Variants in CFAP69 observed in about 807,000 individuals in gnomAD.
The protein encoded by CFAP69 is cilia- and flagella-associated protein 69.
A neutral mutation model predicts 123.0 loss-of-function variants in CFAP69; 92 were observed. The observed-to-expected ratio is 0.75, with a 90% CI of 0.63 to 0.89. The LOEUF (loss-of-function observed/expected upper bound fraction) is 0.89, where lower values mean the gene tolerates loss of function less well. Among genes scored for constraint, CFAP69 ranks in the 40% least tolerant of loss-of-function variants. The pLI, the probability that CFAP69 is intolerant of heterozygous loss-of-function variation, is 0.00. For missense variants in CFAP69, 1,067 were observed against 1,096.9 expected (o/e 0.97, Z 0.39); for synonymous variants, 380 against 364.3 (o/e 1.04, Z -0.49).
chr7:90,298,196 A>G (rs1792274839), intron 16 of CFAP69, among the ~76,000 whole-genome samples: 1 of 152,228 alleles, frequency 6.6e-6, no homozygotes, highest in Admixed American at 6.5e-5. Flanking sequence ...CCTGATATTA[A>G]AAGATAAGGG....
chr7:90,260,758 A>G (rs1167172066), intron 3 of CFAP69, among the ~76,000 whole-genome samples: 2 of 151,996 alleles, frequency 1.3e-5, no homozygotes, highest in South Asian at 2.1e-4. Flanking sequence ...TTCTTTTCCT[A>G]TTTTAACCTG....
intron 1 of CFAP69, among the ~76,000 whole-genome samples, chr7:90,246,304 C>G (rs1327123533): frequency 6.6e-6 from 1 of 152,138 alleles, no homozygotes; most frequent in East Asian, 1.9e-4. Flanking sequence ...CCATTGATCC[C>G]CCAGAGAGCC....
chr7:90,266,001 G>A (rs1799110641), intron 5 of CFAP69: 1 of 152,222 alleles, frequency 6.6e-6, no homozygotes, highest in African/African-American at 2.4e-5. Context: ...ATGATGGCAT[G>A]TTCCCAAAAC....
In CFAP69 at chr7:90,310,206, G is replaced by C. The variant is rs765228770; in HGVS notation, c.2794G>C (p.Val932Leu). ...GCAGAGGGTGAAAGCAGTTAAAATT[G>C]TGGATGCACCAAAAAAGAGTATTCC... ...ALQRVKAVKI[V>L]DAPKKSIPT is the part of the protein sequence containing the mutation. The change falls in exon 23 of 23, where the codon GTG (valine) becomes CTG (leucine). Residue 932 changes from valine (V) to leucine (L), a missense_variant. Val to Leu is a conservative substitution (Grantham distance 32, BLOSUM62 1). Transcript: ENST00000389297. 6.2e-7 allele frequency: 1 copy of C among 1,613,622 alleles called. No individual in the cohort carries two copies. Among genetic ancestry groups the C allele is most frequent in the African/African-American group, 1.3e-5 (1 of 74,898 alleles).
At chr7:90,293,012 A>G (rs1160970946) in intron 15 of CFAP69, among the ~76,000 whole-genome samples, 1 of 152,196 alleles carries the variant, frequency 6.6e-6, no homozygotes, top group Admixed American at 6.5e-5. Flanking sequence ...ATGATTGACA[A>G]AGCAATTTAG....
rs1584497172 is a variant in CFAP69 at position 90,293,781 on chromosome 7, C to T, written c.1776-3968C>T. 1.3e-5 allele frequency among the ~76,000 whole-genome samples: 2 copies of T among 152,120 alleles called. 1 individual carries two copies. The highest frequency in any genetic ancestry group is 4.1e-4 in the South Asian group (2 of 4,826). ...TGTACTAGGCATGGAGCCTAGGACC[C>T]AGACAGAAGTACAGATAAGGTCTGA... On this transcript the variant is annotated intron_variant, in intron 15 of 22. Coordinates refer to ENST00000389297, the MANE Select transcript of CFAP69 (RefSeq NM_001039706.3).
intron 16 of CFAP69, among the ~76,000 whole-genome samples, chr7:90,299,461 G>GT (rs1792447756): frequency 6.6e-6 from 1 of 152,042 alleles, no homozygotes; most frequent in Non-Finnish European, 1.5e-5. Context: ...AGAGATTACA[G>GT]TTAGTATGAA....
intron 1 of CFAP69, among the ~76,000 whole-genome samples, chr7:90,252,597 G>A (rs1453718176): frequency 6.6e-6 from 1 of 152,158 alleles, no homozygotes; most frequent in African/African-American, 2.4e-5. Flanking sequence ...CTGAGCCTAG[G>A]GAGGTTGAGG....
At chr7:90,303,762 A>T (rs1388885276) in intron 17 of CFAP69, 1 of 1,144,696 alleles carries the variant, frequency 8.7e-7, no homozygotes, top group Non-Finnish European at 1.1e-6. Flanking sequence ...AACAATAAAA[A>T]TGAAGGCTCT....
rs772196992 is a variant in CFAP69, at chr7:90,274,060, A to G, written c.934A>G (p.Ile312Val). The change falls in exon 9 of 23, where the codon ATA becomes GTA. Residue 312 changes from isoleucine (I) to valine (V), a missense_variant. Coordinates refer to ENST00000389297, the MANE Select transcript of CFAP69 (RefSeq NM_001039706.3). ...SHYDRQLRND[I>V]LVITTIIAQN... ...TTATGACCGTCAGCTTAGAAATGAC[A>G]TATTAGTGATCACTACAATTATAGC... The G allele has an allele frequency of 1.2e-6, 2 of 1,606,390 alleles. No individual in the cohort carries two copies. The highest frequency in any genetic ancestry group is 1.1e-5 in the South Asian group (1 of 89,342).
At chr7:90,255,045 A>G (rs1797475355) in intron 1 of CFAP69, among the ~76,000 whole-genome samples, 1 of 152,190 alleles carries the variant, frequency 6.6e-6, no homozygotes, top group South Asian at 2.1e-4. Flanking sequence ...GAGAAAAGCA[A>G]TCTCCTACCT....
rs756256922 is a variant in CFAP69, at chr7:90,271,628, T to C, written c.635T>C (p.Val212Ala). The change falls in exon 7 of 23, where the codon GTT becomes GCT. Residue 212 changes from valine (V) to alanine (A), a missense_variant. Val to Ala is a moderately conservative substitution (Grantham distance 64). Coordinates refer to ENST00000389297, the MANE Select transcript of CFAP69 (RefSeq NM_001039706.3). The stretch of plus-strand genomic sequence containing the variant: ...ATGACCTTGCTTGAAAATCAACTTG[T>C]TGAGAAACTTTGGGTACTTAAAGTT... Reference protein sequence around the residue: ...QSMTLLENQLVEKLWVLKVLQ... With the variant: ...QSMTLLENQLAEKLWVLKVLQ... 6.2e-7 allele frequency: 1 copy of C among 1,613,606 alleles called. No homozygotes were observed. The highest frequency in any genetic ancestry group is 1.7e-5 in the Admixed American group (1 of 59,994).
In CFAP69 at chr7:90,282,921, C is replaced by G. The variant is rs1789706413; in HGVS notation, c.1402C>G (p.His468Asp). 6.5e-7 allele frequency: 1 copy of G among 1,548,298 alleles called. No individual in the cohort carries two copies. The highest frequency in any genetic ancestry group is 8.7e-7 in the Non-Finnish European group (1 of 1,150,746). ...GTTTTTCAGTCATGGTAACAGTTTTCATGGTACAGGTGGCCGAGGCAACAA... is the reference window on the plus strand; with the variant it reads ...GTTTTTCAGTCATGGTAACAGTTTTGATGGTACAGGTGGCCGAGGCAACAA... The part of the protein sequence containing the change: ...DPFFSHGNSF[H>D]GTGGRGNKFA... Residue 468 changes from histidine to aspartate, a missense_variant, in exon 13 of 23, where the codon CAT (histidine) becomes GAT (aspartate). Transcript: ENST00000389297.
chr7:90,255,962 C>A lies in CFAP69; in HGVS notation c.180+480C>A, dbSNP rs148751449. 8.1e-3 allele frequency among the ~76,000 whole-genome samples: 1,240 copies of A among 152,246 alleles called. 6 individuals carry two copies. Among genetic ancestry groups the A allele is most frequent in the Non-Finnish European group, 0.012 (804 of 68,016 alleles). Reference sequence around the variant, plus strand: ...GACACAAGACTCAAAATTGGGAAAGCAGGCATTGAGAGAAAAGACAACAAA... The same window carrying A: ...GACACAAGACTCAAAATTGGGAAAGAAGGCATTGAGAGAAAAGACAACAAA... On this transcript the variant is annotated intron_variant, in intron 2 of 22. Transcript: ENST00000389297.
chr7:90,253,639 G>A (rs1169149258), intron 1 of CFAP69, among the ~76,000 whole-genome samples: 3 of 152,170 alleles, frequency 2.0e-5, no homozygotes, highest in East Asian at 1.9e-4. Flanking sequence ...TGATCCACCC[G>A]CCTCCTCCTC....
At chr7:90,312,076 A>G (rs935122568), downstream of CFAP69, among the ~76,000 whole-genome samples, 4 of 152,212 alleles carry the variant, frequency 2.6e-5, no homozygotes, top group Non-Finnish European at 5.9e-5. Flanking sequence ...AGAACAAGGT[A>G]GAGACCATAT....
downstream of CFAP69, among the ~76,000 whole-genome samples, chr7:90,315,694 A>C (rs1380984974): frequency 2.6e-5 from 4 of 152,162 alleles, no homozygotes; most frequent in Admixed American, 6.6e-5. Flanking sequence ...TGTACAACAA[A>C]CCCCCGTGAA....
chr7:90,284,623 A>T (rs1370549049), intron 13 of CFAP69, among the ~76,000 whole-genome samples: 4 of 152,160 alleles, frequency 2.6e-5, no homozygotes, highest in African/African-American at 9.7e-5. Context: ...TACAGAAACT[A>T]AGAGGCTTGG....
At position 90,281,861 on chromosome 7, in the gene CFAP69, G is replaced by A. The variant is rs28457746; in HGVS notation, c.1373-1031G>A. 5.9e-3 allele frequency among the ~76,000 whole-genome samples: 892 copies of A among 152,174 alleles called. 14 individuals are homozygous for A. Among genetic ancestry groups the A allele is most frequent in the African/African-American group, 0.02 (843 of 41,514 alleles). ...TTTATTACCCCTGTGACTGATAATA[G>A]ATTAGAATCCAGGTTCATAAAGAAC... On this transcript the variant is annotated intron_variant, in intron 12 of 22. Transcript: ENST00000389297.
Sources: gnomAD v4.1 joint callset for allele counts (sites outside exome capture counted in the v4.1 genomes callset) on GRCh38, gnomAD v4.1.1 for gene constraint, MANE v1.5 for transcripts, NCBI Gene and HGNC (gene_info 2026-07-23, HGNC 2026-07-21) for gene names.